HHLA2: variants seen among roughly 807,000 people sequenced by gnomAD.
HHLA2 encodes HERV-H LTR-associating protein 2.
In HHLA2, 48 loss-of-function variants were observed where a neutral mutation model predicts 45.9. That is an observed-to-expected ratio of 1.05 (90% CI 0.83 to 1.33). The LOEUF (loss-of-function observed/expected upper bound fraction) is 1.33, where lower values mean the gene tolerates loss of function less well. HHLA2 is among the 40% of genes most tolerant of loss of function. HHLA2 has a pLI of 0.00. For missense variants in HHLA2, 462 were observed against 494.3 expected (o/e 0.93, Z 0.62); for synonymous variants, 161 against 173.9 (o/e 0.93, Z 0.59).
At chr3:108,320,196 G>A (rs1429091649) in intron 2 of HHLA2, among the ~76,000 whole-genome samples, 2 of 152,122 alleles carry the variant, frequency 1.3e-5, no homozygotes, top group Non-Finnish European at 1.5e-5. Flanking sequence ...CCAATTTTAA[G>A]GTTTTTGATA....
chr3:108,343,121 C>T (rs2081604287), intron 3 of HHLA2, among the ~76,000 whole-genome samples: 1 of 152,112 alleles, frequency 6.6e-6, no homozygotes, highest in African/African-American at 2.4e-5. Flanking sequence ...TGTGGGGTAC[C>T]ATACAAAGAA....
At chr3:108,344,985 C>G (rs923225787) in intron 3 of HHLA2, among the ~76,000 whole-genome samples, 1 of 152,192 alleles carries the variant, frequency 6.6e-6, no homozygotes, top group Admixed American at 6.5e-5. Flanking sequence ...CTGGACTTTA[C>G]CCCACCTTGT....
intron 2 of HHLA2, among the ~76,000 whole-genome samples, chr3:108,322,599 T>G (rs2081222211): frequency 6.6e-6 from 1 of 152,188 alleles, no homozygotes; most frequent in Non-Finnish European, 1.5e-5. Context: ...GGATTTTCCC[T>G]CATCCAACCG....
At chr3:108,328,266 A>G in intron 2 of HHLA2, 1 of 1,430,780 alleles carries the variant, frequency 7.0e-7, no homozygotes, top group African/African-American at 1.4e-5. Context: ...TTTTATCCAC[A>G]CAGCATGTAG....
chr3:108,358,990 T>C (rs528864694), intron 7 of HHLA2, among the ~76,000 whole-genome samples: 2 of 152,318 alleles, frequency 1.3e-5, no homozygotes, highest in Admixed American at 6.5e-5. Context: ...ACTTGGAAGC[T>C]TCTGGACATT....
intron 8 of HHLA2, among the ~76,000 whole-genome samples, chr3:108,373,705 T>C (rs1246328087): frequency 6.6e-6 from 1 of 151,318 alleles, no homozygotes; most frequent in East Asian, 1.9e-4. Context: ...GAGAGCCAAA[T>C]CATGAGTGAA....
chr3:108,306,502 C>T (rs1208466594), intron 1 of HHLA2, among the ~76,000 whole-genome samples: 1 of 152,186 alleles, frequency 6.6e-6, no homozygotes, highest in Non-Finnish European at 1.5e-5. Context: ...CTCCCTCTCT[C>T]TCCCTCTGTG....
chr3:108,309,595 C>G (rs1576097899), intron 1 of HHLA2, among the ~76,000 whole-genome samples: 1 of 152,156 alleles, frequency 6.6e-6, no homozygotes, highest in Non-Finnish European at 1.5e-5. Context: ...AGACTATCTT[C>G]AATTTGACTT....
chr3:108,324,853 C>A (rs1258376069), intron 2 of HHLA2, among the ~76,000 whole-genome samples: 1 of 152,120 alleles, frequency 6.6e-6, no homozygotes, highest in Admixed American at 6.6e-5. Flanking sequence ...TTCTGTTTCT[C>A]CCCCTACCTC....
At chr3:108,373,069 A>G (rs1022923444) in intron 8 of HHLA2, among the ~76,000 whole-genome samples, 9 of 152,214 alleles carry the variant, frequency 5.9e-5, no homozygotes, top group African/African-American at 2.2e-4. Context: ...ACATTGATGC[A>G]AAAATCCTCA....
intron 6 of HHLA2, among the ~76,000 whole-genome samples, chr3:108,355,974 T>C (rs1424552768): frequency 6.6e-6 from 1 of 151,946 alleles, no homozygotes; most frequent in Admixed American, 6.6e-5. Context: ...CCAAAACCTG[T>C]TTAATAAAAA....
intron 8 of HHLA2, among the ~76,000 whole-genome samples, chr3:108,367,040 C>T (rs747642502): frequency 6.6e-6 from 1 of 152,192 alleles, no homozygotes; most frequent in African/African-American, 2.4e-5. Flanking sequence ...TCCGCAGCAT[C>T]CACTGGTGAT....
intron 6 of HHLA2, among the ~76,000 whole-genome samples, chr3:108,355,951 T>C (rs892222387): frequency 1.2e-4 from 19 of 152,126 alleles, no homozygotes; most frequent in African/African-American, 4.1e-4. Context: ...CAAACTCTGA[T>C]CAATCTCTAT....
rs377735491 is a variant in HHLA2, at chr3:108,355,105, T to G, written c.419-10T>G. The G allele has an allele frequency of 1.3e-5, 21 of 1,605,448 alleles. No homozygotes were observed. In the South Asian group the frequency reaches 1.6e-4, roughly 12 times the overall value. On this transcript the variant is annotated splice_polypyrimidine_tract_variant and intron_variant, in intron 5 of 10. Coordinates refer to ENST00000619531, the Ensembl canonical transcript of HHLA2. Reference sequence around the variant, plus strand: ...GCAGTTTTTCATGCGCCCTTCTTTCTCCTATGTAGTTTTTCTCACACCCGT... The same window carrying G: ...GCAGTTTTTCATGCGCCCTTCTTTCGCCTATGTAGTTTTTCTCACACCCGT...
At chr3:108,319,435 TCTC>T (rs1418499405) in intron 2 of HHLA2, among the ~76,000 whole-genome samples, 1 of 152,202 alleles carries the variant, frequency 6.6e-6, no homozygotes. Context: ...TTCAGCTCCT[TCTC>T]CTTGTCCTTC....
chr3:108,304,643 T>C (rs2080899750), intron 1 of HHLA2, among the ~76,000 whole-genome samples: 1 of 152,188 alleles, frequency 6.6e-6, no homozygotes, highest in Admixed American at 6.5e-5. Flanking sequence ...ACAAATATAT[T>C]AGAAAGGACT....
chr3:108,328,245 C>T (rs1421795787), intron 2 of HHLA2: 2 of 1,213,752 alleles, frequency 1.6e-6, no homozygotes, highest in Non-Finnish European at 2.2e-6. Context: ...TCTGGAATCA[C>T]CTTAATCTAA....
exon 6 of HHLA2, chr3:108,355,334 A>C: frequency 1.9e-6 from 3 of 1,613,918 alleles, no homozygotes; most frequent in Non-Finnish European, 2.5e-6. Flanking sequence ...TGTACAATTG[A>C]AAATTCACTG....
rs2081787192 is a variant in HHLA2 at position 108,351,998 on chromosome 3, G to A, written c.64+121G>A. The A allele has an allele frequency of 9.5e-6, 6 of 631,768 alleles. No homozygotes were observed. In the South Asian group the frequency reaches 1.2e-4, roughly 13 times the overall value. The allele number at this position is 631,768 out of a possible 1,614,324, so 39.1% of individuals were successfully genotyped here. Reference sequence around the variant, plus strand: ...CATCGTGAACTTTCCTAAATCATCAGTTAATCAGAAGCAAGGAACAGGCTG... The same window carrying A: ...CATCGTGAACTTTCCTAAATCATCAATTAATCAGAAGCAAGGAACAGGCTG... On this transcript the variant is annotated intron_variant, in intron 4 of 10. Coordinates refer to ENST00000619531, the Ensembl canonical transcript of HHLA2.
Sources: allele counts gnomAD v4.1 joint callset (sites outside exome capture counted in the v4.1 genomes callset), GRCh38; gene constraint gnomAD v4.1.1; transcripts MANE v1.5; gene names NCBI Gene and HGNC (gene_info 2026-07-23, HGNC 2026-07-21).